Variants in POM121 observed in about 807,000 individuals in gnomAD.
The protein encoded by POM121 is POM121 transmembrane nucleoporin, also known as nuclear envelope pore membrane protein POM 121.
In POM121, 32 loss-of-function variants were observed where a neutral mutation model predicts 81.3. The observed-to-expected ratio is 0.39, with a 90% CI of 0.30 to 0.53. The LOEUF is 0.53. Ranked by LOEUF, POM121 falls within the 20% of genes least tolerant of loss-of-function variation. The probability of loss-of-function intolerance (pLI) is 0.66; values close to 1 mark genes in which losing one functional copy is unlikely to be tolerated. For missense variants in POM121, 1,138 were observed against 1,614.6 expected (o/e 0.70, Z 5.06); for synonymous variants, 514 against 694.2 (o/e 0.74, Z 4.08).
upstream of POM121, among the ~76,000 whole-genome samples, chr7:72,923,143 T>A (rs1227222100): frequency 1.5e-5 from 2 of 131,454 alleles, no homozygotes; most frequent in African/African-American, 5.9e-5. Flanking sequence ...TCAAGTTAAG[T>A]CTTATGTGAA....
At chr7:72,890,257 G>A (rs1586070090) in intron 1 of POM121, among the ~76,000 whole-genome samples, 2 of 152,330 alleles carry the variant, frequency 1.3e-5, no homozygotes. Context: ...TCCCGGAGAA[G>A]GGGAGCGCCT....
chr7:72,890,685 T>C (rs1791217722), exon 2 of POM121: 2 of 1,601,442 alleles, frequency 1.2e-6, no homozygotes, highest in East Asian at 4.5e-5. Context: ...TGGTGGCAAC[T>C]GGACCCTGAT....
intron 1 of POM121, among the ~76,000 whole-genome samples, chr7:72,885,986 A>C (rs1173985653): frequency 2.6e-5 from 4 of 152,058 alleles, no homozygotes; most frequent in African/African-American, 7.2e-5. Flanking sequence ...TGCAACTTTA[A>C]TTGTCATAGT....
At chr7:72,918,943 A>C (rs1324255884) in intron 4 of POM121, among the ~76,000 whole-genome samples, 9 of 151,858 alleles carry the variant, frequency 5.9e-5, no homozygotes, top group South Asian at 4.2e-4. Context: ...GATGACAGGC[A>C]CCCGCCACCA....
chr7:72,943,127 C>T lies in POM121; in HGVS notation c.3134C>T (p.Ser1045Leu), dbSNP rs781924021. The change falls in exon 11 of 13, where the codon TCG becomes TTG. Residue 1045 changes from serine to leucine, a missense_variant. Physicochemically the swap from Ser to Leu is moderately radical, Grantham distance 145. Transcript: ENST00000434423. The part of the protein sequence containing the change: ...HSAFGLKATA[S>L]AFGAPASSQP... The stretch of plus-strand genomic sequence containing the variant: ...GCGTTTGGGTTGAAAGCCACGGCTT[C>T]GGCCTTCGGCGCTCCCGCCAGCTCA... 11 of 1,612,936 alleles carry T rather than the reference C, an allele frequency of 6.8e-6. No individual in the cohort carries two copies. The East Asian group carries it at 8.9e-5, about 13-fold the overall frequency.
chr7:72,925,171 T>C lies in POM121; in HGVS notation c.50T>C (p.Ile17Thr), dbSNP rs1212101995. ...GGAGCAGGCGAGCGGCGGCGGCCCATAGCGAGTGTCAGGGACGGCCGGGGC... is the reference window on the plus strand; with the variant it reads ...GGAGCAGGCGAGCGGCGGCGGCCCACAGCGAGTGTCAGGGACGGCCGGGGC... ...AAGAGERRRPIASVRDGRGRG... is the reference protein window; with the variant it reads ...AAGAGERRRPTASVRDGRGRG... The change falls in exon 1 of 13, where the codon ATA (isoleucine) becomes ACA (threonine). Residue 17 changes from isoleucine to threonine, a missense_variant. Coordinates refer to ENST00000434423, the MANE Select transcript of POM121 (RefSeq NM_001387691.1). The C allele has an allele frequency of 6.6e-6, 10 of 1,503,844 alleles. No individual in the cohort carries two copies. Among genetic ancestry groups the C allele is most frequent in the Admixed American group, 4.2e-5 (2 of 47,326 alleles). The allele number at this position is 1,503,844 out of a possible 1,614,324, so 93.2% of individuals were successfully genotyped here. A position where few individuals can be genotyped will look rare whatever the true frequency, so the allele number is the denominator to read the frequency against.
chr7:72,901,774 A>G (rs1460547854), intron 3 of POM121, among the ~76,000 whole-genome samples: 1 of 149,118 alleles, frequency 6.7e-6, no homozygotes, highest in Non-Finnish European at 1.5e-5. Context: ...AGGTGCTGGG[A>G]TTACAGGCAT....
chr7:72,922,389 A>G (rs1794894682), upstream of POM121, among the ~76,000 whole-genome samples: 1 of 151,934 alleles, frequency 6.6e-6, no homozygotes. Context: ...ATATAGAAGT[A>G]TTAACTTTTT....
rs781977167 is a variant in POM121, at chr7:72,945,555, A to T, written c.3530-31A>T. 2 of 1,612,670 alleles carry T rather than the reference A, an allele frequency of 1.2e-6. No individual in the cohort carries two copies. ...CCTCGCTTGCCTCTGCCCTCTGCTCACTGGCCAGCTCTCTGTTCTCTTCAT... is the reference window on the plus strand; with the variant it reads ...CCTCGCTTGCCTCTGCCCTCTGCTCTCTGGCCAGCTCTCTGTTCTCTTCAT... On this transcript the variant is annotated intron_variant, in intron 11 of 12. Transcript: ENST00000434423.
intron 3 of POM121, among the ~76,000 whole-genome samples, chr7:72,899,501 T>G (rs1188275232): frequency 6.6e-6 from 1 of 152,086 alleles, no homozygotes; most frequent in Non-Finnish European, 1.5e-5. Flanking sequence ...AGACGGGTGT[T>G]CCAGATCATG....
chr7:72,899,103 C>T (rs1554492230), intron 3 of POM121, among the ~76,000 whole-genome samples: 1 of 151,164 alleles, frequency 6.6e-6, no homozygotes, highest in Non-Finnish European at 1.5e-5. Context: ...TGGCCTCAGC[C>T]CCTGAGTAGC....
At chr7:72,912,821 T>C (rs1204431548) in intron 3 of POM121, among the ~76,000 whole-genome samples, 1 of 152,114 alleles carries the variant, frequency 6.6e-6, no homozygotes, top group Non-Finnish European at 1.5e-5. Context: ...GTCAGGGCAT[T>C]TCCCGCAGAA....
At position 72,929,926 on chromosome 7, in the gene POM121, T is replaced by C. The variant is rs1198840529; in HGVS notation, c.1104-14T>C. On this transcript the variant is annotated splice_polypyrimidine_tract_variant and intron_variant, in intron 4 of 12. Transcript: ENST00000434423. ...GCCTTCAATAAAGCATCTAACTGTC[T>C]TCTCTTTTATTAGGCCTGGGTCTCT... 1.3e-6 allele frequency: 2 copies of C among 1,573,292 alleles called. No homozygotes were observed. Among genetic ancestry groups the C allele is most frequent in the East Asian group, 2.3e-5 (1 of 44,278 alleles).
At chr7:72,938,208 A>G (rs1554499864) in intron 5 of POM121, among the ~76,000 whole-genome samples, 2 of 151,092 alleles carry the variant, frequency 1.3e-5, no homozygotes, top group African/African-American at 4.9e-5. Context: ...TTCTTCACAA[A>G]CAAATTTTTT....
chr7:72,938,882 C>T (rs574601013), intron 6 of POM121, among the ~76,000 whole-genome samples: 20 of 152,348 alleles, frequency 1.3e-4, no homozygotes, highest in Non-Finnish European at 2.6e-4. Context: ...CCAGTGGCCT[C>T]TGGCTGTCGC....
intron 8 of POM121, 36 bp downstream of exon 8, chr7:72,940,004 C>T: frequency 6.3e-7 from 1 of 1,598,186 alleles, no homozygotes; most frequent in Non-Finnish European, 8.5e-7. Context: ...CCCTCCCCGG[C>T]TTAGCTCTCC....
intron 1 of POM121, among the ~76,000 whole-genome samples, chr7:72,881,426 T>A (rs1208477305): frequency 1.3e-5 from 2 of 150,084 alleles, no homozygotes; most frequent in Non-Finnish European, 3.0e-5. Flanking sequence ...GCGGTTCTTA[T>A]GCAGGTGATT....
At chr7:72,919,628 G>A (rs149075529) in intron 4 of POM121, among the ~76,000 whole-genome samples, 428 of 152,138 alleles carry the variant, frequency 2.8e-3, no homozygotes, top group Middle Eastern at 6.8e-3. Flanking sequence ...GACTCCAGGC[G>A]TGTGCCACTA....
At chr7:72,929,584 A>G (rs575617601) in intron 4 of POM121, among the ~76,000 whole-genome samples, 1 of 152,322 alleles carries the variant, frequency 6.6e-6, no homozygotes, top group South Asian at 2.1e-4. Context: ...CACCTGTGGA[A>G]CCATCCCACC....
Sources: allele counts gnomAD v4.1 joint callset (sites outside exome capture counted in the v4.1 genomes callset), GRCh38; gene constraint gnomAD v4.1.1; transcripts MANE v1.5; gene names NCBI Gene and HGNC (gene_info 2026-07-23, HGNC 2026-07-21).